The following MBNL1 variants were observed in gnomAD, a reference collection of about 807,000 sequenced individuals.
The protein encoded by MBNL1 is muscleblind-like protein 1.
Under a neutral mutation model 42.2 loss-of-function variants are expected in MBNL1, and 8 were observed. The ratio of observed to expected loss-of-function variants is 0.19; its 90% CI spans 0.11 to 0.34. The LOEUF is 0.34. Among genes scored for constraint, MBNL1 ranks in the 10% least tolerant of loss-of-function variants. The pLI is 1.00. For missense variants in MBNL1, 309 were observed against 495.3 expected, an observed-to-expected ratio of 0.62 and a Z score of 3.57; for synonymous variants, 169 against 173.9, an observed-to-expected ratio of 0.97 and a Z score of 0.22.
At chr3:152,269,545 C>G (rs905555110) in intron 1 of MBNL1, 6 of 455,320 alleles carry the variant, frequency 1.3e-5, no homozygotes, top group African/African-American at 1.2e-4. Flanking sequence ...CGGTTTTCAT[C>G]TGGGCCAAAT....
chr3:152,305,868 A>C (rs538838992), intron 2 of MBNL1, among the ~76,000 whole-genome samples: 19 of 152,354 alleles, frequency 1.2e-4, no homozygotes, highest in African/African-American at 2.4e-5. Context: ...CATCAAATGC[A>C]CATCTACCTA....
intron 4 of MBNL1, among the ~76,000 whole-genome samples, chr3:152,440,095 A>C (rs1043971396): frequency 6.6e-6 from 1 of 152,154 alleles, no homozygotes; most frequent in African/African-American, 2.4e-5. Context: ...TCTGTTACCT[A>C]TAGAAGCATG....
chr3:152,319,427 C>G (rs1029168973), intron 2 of MBNL1, among the ~76,000 whole-genome samples: 7 of 152,070 alleles, frequency 4.6e-5, no homozygotes, highest in African/African-American at 1.7e-4. Flanking sequence ...ATCTTGAGGT[C>G]ATTAGGACCC....
chr3:152,361,081 AC>A (rs1461280290), intron 2 of MBNL1, among the ~76,000 whole-genome samples: 2 of 152,154 alleles, frequency 1.3e-5, no homozygotes, highest in Non-Finnish European at 2.9e-5. Flanking sequence ...ATAAAATATT[AC>A]CATTGTAAGT....
chr3:152,337,977 C>T (rs1338012692), intron 2 of MBNL1: 1 of 552,572 alleles, frequency 1.8e-6, no homozygotes, highest in Non-Finnish European at 2.3e-6. Context: ...CCTTGCGGAT[C>T]AGCACCCTGG....
At chr3:152,276,401 GTACT>G (rs1218138463) in intron 1 of MBNL1, among the ~76,000 whole-genome samples, 1 of 152,152 alleles carries the variant, frequency 6.6e-6, no homozygotes, top group African/African-American at 2.4e-5. Flanking sequence ...TTGTGCAAAG[GTACT>G]TAATTAATAA....
intron 5 of MBNL1, among the ~76,000 whole-genome samples, chr3:152,447,245 A>C (rs765276804): frequency 1.3e-5 from 2 of 152,196 alleles, no homozygotes. Flanking sequence ...ACAATTAACT[A>C]TTAACATTGC....
intron 2 of MBNL1, among the ~76,000 whole-genome samples, chr3:152,315,886 TCA>T (rs2070837203): frequency 6.8e-6 from 1 of 147,358 alleles, no homozygotes; most frequent in African/African-American, 2.6e-5. Flanking sequence ...TCTCTCTCTC[TCA>T]CTCCTCTCTC....
chr3:152,277,521 C>G (rs2045952371), intron 1 of MBNL1, among the ~76,000 whole-genome samples: 1 of 152,058 alleles, frequency 6.6e-6, no homozygotes, highest in African/African-American at 2.4e-5. Context: ...TTTCCTGGAA[C>G]TAAAAATCCT....
intron 1 of MBNL1, among the ~76,000 whole-genome samples, chr3:152,273,024 C>T (rs2042825916): frequency 1.3e-5 from 2 of 152,112 alleles, no homozygotes; most frequent in Admixed American, 6.6e-5. Context: ...TATAGAGCCT[C>T]AAGAAGAGTT....
chr3:152,358,744 A>G (rs956656995), intron 2 of MBNL1, among the ~76,000 whole-genome samples: 1 of 151,986 alleles, frequency 6.6e-6, no homozygotes, highest in Non-Finnish European at 1.5e-5. Flanking sequence ...TACAAAGGAA[A>G]TGTTGTGGAC....
intron 2 of MBNL1, among the ~76,000 whole-genome samples, chr3:152,374,188 A>G (rs563842803): frequency 1.4e-4 from 22 of 152,344 alleles, no homozygotes; most frequent in Non-Finnish European, 2.6e-4. Context: ...TTTAAATTTC[A>G]TATGTACAGT....
At chr3:152,425,223 AC>A (rs958329191) in intron 3 of MBNL1, among the ~76,000 whole-genome samples, 9 of 150,180 alleles carry the variant, frequency 6.0e-5, no homozygotes, top group African/African-American at 2.0e-4. Flanking sequence ...AAAAAAAAAA[AC>A]ATCAACAAGT....
intron 1 of MBNL1, among the ~76,000 whole-genome samples, chr3:152,280,918 A>G (rs2048063112): frequency 6.6e-6 from 1 of 152,270 alleles, no homozygotes; most frequent in Admixed American, 6.5e-5. Context: ...AGCCCATTAC[A>G]TATAAAGTTT....
chr3:152,329,090 A>G (rs1396357487), intron 2 of MBNL1, among the ~76,000 whole-genome samples: 1 of 152,114 alleles, frequency 6.6e-6, no homozygotes, highest in African/African-American at 2.4e-5. Context: ...AAAAGTAGGT[A>G]GGGGCAGGGG....
intron 2 of MBNL1, chr3:152,302,022 T>G (rs1560055812): frequency 6.6e-6 from 1 of 152,214 alleles, no homozygotes; most frequent in Non-Finnish European, 1.5e-5. Flanking sequence ...TTGGAAACAT[T>G]GTGAAACATT....
chr3:152,253,620 T>C (rs2034999626), intron 2 of MBNL1, among the ~76,000 whole-genome samples: 1 of 152,146 alleles, frequency 6.6e-6, no homozygotes, highest in Admixed American at 6.6e-5. Flanking sequence ...TCTTCTCTCA[T>C]ATCCTTTCAT....
chr3:152,437,658 AC>A (rs1484351249), intron 4 of MBNL1, among the ~76,000 whole-genome samples: 8 of 152,196 alleles, frequency 5.3e-5, no homozygotes, highest in African/African-American at 1.9e-4. Flanking sequence ...AGCATATATT[AC>A]ATATATCACA....
At position 152,325,180 on chromosome 3, in the gene MBNL1, A is replaced by G. The variant is rs1332568202; in HGVS notation, c.174+24813A>G. 2.1e-5 allele frequency among the ~76,000 whole-genome samples: 3 copies of G among 142,770 alleles called. No individual in the cohort carries two copies. In the Admixed American group the frequency reaches 2.3e-4, roughly 11 times the overall value. 93.7% of individuals were successfully genotyped at this position (142,770 alleles called of 152,430 possible). A position where few individuals can be genotyped will look rare whatever the true frequency, so the allele number is the denominator to read the frequency against. On this transcript the variant is annotated intron_variant, in intron 2 of 9. Coordinates refer to ENST00000324210, the MANE Select transcript of MBNL1 (RefSeq NM_021038.5). ...TTTTCTTCCTACATGAGTTTTGCAGACCTTTTCCATGTTTATATATGGCTC... is the reference window on the plus strand; with the variant it reads ...TTTTCTTCCTACATGAGTTTTGCAGGCCTTTTCCATGTTTATATATGGCTC...
Sources: gnomAD v4.1 joint callset for allele counts (sites outside exome capture counted in the v4.1 genomes callset) on GRCh38, gnomAD v4.1.1 for gene constraint, MANE v1.5 for transcripts, NCBI Gene and HGNC (gene_info 2026-07-23, HGNC 2026-07-21) for gene names.